ELF1: variants seen among roughly 807,000 people sequenced by gnomAD.
ELF1 encodes the protein E74 like ETS transcription factor 1, also known as ETS-related transcription factor Elf-1.
ELF1 carries 24 observed loss-of-function variants against 59.9 expected under a neutral mutation model. The observed-to-expected ratio is 0.40, with a 90% CI of 0.29 to 0.56. The LOEUF (loss-of-function observed/expected upper bound fraction) is 0.56, where lower values mean the gene tolerates loss of function less well. ELF1 is among the 20% of genes least tolerant of loss of function. ELF1 has a pLI of 0.44. For synonymous variants in ELF1, 248 were observed against 266.2 expected (o/e 0.93, Z 0.67); for missense variants, 627 against 742.2 (o/e 0.84, Z 1.80).
chr13:40,937,633 C>T (rs891017969), intron 8 of ELF1, among the ~76,000 whole-genome samples: 2 of 152,090 alleles, frequency 1.3e-5, no homozygotes, highest in Admixed American at 6.6e-5. Context: ...CTACGCCTAG[C>T]TAATTTTTTG....
chr13:40,965,624 G>GA (rs917756699), intron 2 of ELF1, among the ~76,000 whole-genome samples: 23 of 139,700 alleles, frequency 1.6e-4, no homozygotes, highest in African/African-American at 2.6e-4. Flanking sequence ...TCATCTCAAA[G>GA]AAAAAAAAAA....
At chr13:40,962,937 G>A (rs866417099) in intron 2 of ELF1, among the ~76,000 whole-genome samples, 6 of 152,102 alleles carry the variant, frequency 3.9e-5, no homozygotes, top group Non-Finnish European at 4.4e-5. Flanking sequence ...AACATTTCAC[G>A]AGAAGAGATT....
At chr13:41,053,890 A>G (rs1299174436) in intron 1 of ELF1, among the ~76,000 whole-genome samples, 1 of 152,208 alleles carries the variant, frequency 6.6e-6, no homozygotes, top group Non-Finnish European at 1.5e-5. Flanking sequence ...AATTAAGGCA[A>G]TCCATCCAAA....
intron 1 of ELF1, among the ~76,000 whole-genome samples, chr13:40,999,710 G>T (rs565968811): frequency 6.6e-6 from 1 of 152,120 alleles, no homozygotes; most frequent in African/African-American, 2.4e-5. Flanking sequence ...TGAAAACTTC[G>T]CATCACCAAT....
At chr13:41,048,362 G>A (rs983563719) in intron 1 of ELF1, among the ~76,000 whole-genome samples, 25 of 152,158 alleles carry the variant, frequency 1.6e-4, no homozygotes, top group African/African-American at 3.9e-4. Context: ...CGTCTTCTGC[G>A]TCACTCACGC....
intron 1 of ELF1, among the ~76,000 whole-genome samples, chr13:41,026,213 T>C (rs1039584436): frequency 1.3e-5 from 2 of 152,210 alleles, no homozygotes; most frequent in African/African-American, 4.8e-5. Context: ...TTCAGTGTAA[T>C]GTCTAGGGGT....
chr13:40,946,103 T>C (rs969322439), intron 5 of ELF1, among the ~76,000 whole-genome samples: 1 of 152,212 alleles, frequency 6.6e-6, no homozygotes, highest in African/African-American at 2.4e-5. Context: ...ACTCCCAAAG[T>C]GCTGGGATTA....
intron 1 of ELF1, among the ~76,000 whole-genome samples, chr13:41,026,418 G>A (rs1875914514): frequency 6.6e-6 from 1 of 152,152 alleles, no homozygotes. Context: ...TTTTGAGGGG[G>A]GCCCAGAATA....
intron 1 of ELF1, among the ~76,000 whole-genome samples, chr13:41,032,220 CTT>C (rs1211033601): frequency 5.6e-5 from 8 of 142,770 alleles, no homozygotes; most frequent in Admixed American, 7.0e-5. Context: ...TATTTATTTA[CTT>C]TTTTTTTTTT....
chr13:40,955,513 T>C (rs867233704), intron 3 of ELF1, among the ~76,000 whole-genome samples: 7 of 58,644 alleles, frequency 1.2e-4, no homozygotes, highest in Admixed American at 6.9e-4. Context: ...GAGGAGTCCC[T>C]CTGCCCGGCC....
chr13:41,054,019 ACT>A (rs1177131850), intron 1 of ELF1, among the ~76,000 whole-genome samples: 5 of 152,194 alleles, frequency 3.3e-5, no homozygotes, highest in African/African-American at 1.2e-4. Flanking sequence ...AAAAAATATA[ACT>A]CTCAAGGATA....
At chr13:40,959,068 G>T in intron 2 of ELF1, 52 bp from the exon 3 acceptor site, 2 of 1,519,958 alleles carry the variant, frequency 1.3e-6, no homozygotes, top group East Asian at 2.3e-5. Flanking sequence ...ACACAGTTTT[G>T]CTTTTGTTAA....
chr13:41,060,528 G>A (rs1052530334), intron 1 of ELF1, among the ~76,000 whole-genome samples: 2 of 152,166 alleles, frequency 1.3e-5, no homozygotes, highest in East Asian at 1.9e-4. Flanking sequence ...GGAGGGAGAA[G>A]GATCGGAAGC....
chr13:41,022,725 G>A (rs1438438039), upstream of ELF1, among the ~76,000 whole-genome samples: 2 of 151,944 alleles, frequency 1.3e-5, no homozygotes, highest in Admixed American at 1.3e-4. Flanking sequence ...CTAAAAATAC[G>A]GATATTAGCC....
chr13:41,034,985 G>T (rs117200396), intron 1 of ELF1, among the ~76,000 whole-genome samples: 2,432 of 152,158 alleles, frequency 0.016, 24 homozygotes, highest in Middle Eastern at 0.027. Context: ...ACCTTTTCAG[G>T]CCTTCTCCAC....
chr13:40,980,208 G>A (rs1873172521), intron 2 of ELF1, among the ~76,000 whole-genome samples: 1 of 152,074 alleles, frequency 6.6e-6, no homozygotes, highest in South Asian at 2.1e-4. Flanking sequence ...TCAAATTGTG[G>A]CTCTACTATT....
intron 1 of ELF1, among the ~76,000 whole-genome samples, chr13:40,990,029 T>C (rs138271938): frequency 7.6e-4 from 115 of 152,316 alleles, no homozygotes; most frequent in African/African-American, 2.7e-3. Flanking sequence ...TATATGGTTA[T>C]AGATTAAGTA....
At chr13:41,044,015 T>G (rs1876735335) in intron 1 of ELF1, among the ~76,000 whole-genome samples, 2 of 152,190 alleles carry the variant, frequency 1.3e-5, no homozygotes, top group South Asian at 4.1e-4. Context: ...GTCCTTCACA[T>G]CCCTTAAGTT....
intron 2 of ELF1, among the ~76,000 whole-genome samples, chr13:40,963,171 A>G (rs1445650450): frequency 6.6e-6 from 1 of 152,266 alleles, no homozygotes; most frequent in East Asian, 1.9e-4. Flanking sequence ...ACTCCAAGTC[A>G]TAAACCTAAC....
Sources: allele counts gnomAD v4.1 joint callset (sites outside exome capture counted in the v4.1 genomes callset), GRCh38; gene constraint gnomAD v4.1.1; transcripts MANE v1.5; gene names NCBI Gene and HGNC (gene_info 2026-07-23, HGNC 2026-07-21).